RASSF3: variants seen among roughly 807,000 people sequenced by gnomAD.
The protein encoded by RASSF3 is ras association domain-containing protein 3.
A neutral mutation model predicts 19.9 loss-of-function variants in RASSF3; 19 were observed. The observed-to-expected ratio is 0.96, with a 90% CI of 0.67 to 1.40. The LOEUF is 1.40. RASSF3 is among the 40% of genes most tolerant of loss of function. The pLI is 0.00. For synonymous variants in RASSF3, 110 were observed against 104.2 expected, an observed-to-expected ratio of 1.06 and a Z score of -0.34; for missense variants, 306 against 289.8, an observed-to-expected ratio of 1.06 and a Z score of -0.41.
At chr12:64,516,431 AGAACGGTG>A (rs540911217) in intron 1 of RASSF3, among the ~76,000 whole-genome samples, 2 of 150,476 alleles carry the variant, frequency 1.3e-5, no homozygotes, top group South Asian at 4.2e-4. Flanking sequence ...CATCCCGACT[AGAACGGTG>A]AAACCCCGTC....
At chr12:64,589,993 C>G (rs1471199924) in intron 2 of RASSF3, among the ~76,000 whole-genome samples, 1 of 139,724 alleles carries the variant, frequency 7.2e-6, no homozygotes, top group East Asian at 2.1e-4. Context: ...CAGAGCAAGA[C>G]TCGGTCTCAG....
intron 1 of RASSF3, among the ~76,000 whole-genome samples, chr12:64,525,102 C>T (rs142143785): frequency 6.6e-6 from 1 of 152,112 alleles, no homozygotes; most frequent in East Asian, 1.9e-4. Context: ...ATGGTGAAAC[C>T]CCATCTCTAC....
chr12:64,525,570 C>T (rs912397739), intron 1 of RASSF3, among the ~76,000 whole-genome samples: 1 of 152,164 alleles, frequency 6.6e-6, no homozygotes, highest in African/African-American at 2.4e-5. Flanking sequence ...ACGCATTCTC[C>T]CACTTCATTT....
chr12:64,668,271 C>CT (rs369487530), intron 1 of RASSF3, among the ~76,000 whole-genome samples: 1,766 of 147,126 alleles, frequency 0.012, 44 homozygotes, highest in African/African-American at 0.04. Context: ...TCTTCTTCTT[C>CT]TTTTTTTTTT....
At chr12:64,624,959 G>A (rs1196942514) in intron 1 of RASSF3, among the ~76,000 whole-genome samples, 2 of 151,934 alleles carry the variant, frequency 1.3e-5, no homozygotes, top group African/African-American at 2.4e-5. Context: ...GAGCCACCGC[G>A]CCTGGCCAGC....
intron 2 of RASSF3, among the ~76,000 whole-genome samples, chr12:64,568,191 C>T (rs1276884149): frequency 2.0e-5 from 3 of 152,132 alleles, no homozygotes; most frequent in Admixed American, 6.5e-5. Context: ...GCCACCATAC[C>T]CAGCTAATTT....
chr12:64,559,800 C>T (rs73317532), intron 2 of RASSF3, among the ~76,000 whole-genome samples: 2,168 of 152,336 alleles, frequency 0.014, 53 homozygotes, highest in African/African-American at 0.049. Context: ...TTTCTAGTCT[C>T]CTTGAACAAG....
intron 2 of RASSF3, among the ~76,000 whole-genome samples, chr12:64,595,066 T>C (rs1462310808): frequency 7.9e-5 from 10 of 127,122 alleles, no homozygotes; most frequent in Non-Finnish European, 1.5e-4. Flanking sequence ...TATGAAATCT[T>C]TTTTTTTTTT....
intron 1 of RASSF3, among the ~76,000 whole-genome samples, chr12:64,538,870 C>G (rs903880016): frequency 1.3e-5 from 2 of 151,952 alleles, no homozygotes; most frequent in Non-Finnish European, 2.9e-5. Flanking sequence ...CGGTGAAACT[C>G]CATCTCTACT....
At chr12:64,604,786 C>T (rs1400127271) in intron 2 of RASSF3, among the ~76,000 whole-genome samples, 1 of 151,192 alleles carries the variant, frequency 6.6e-6, no homozygotes, top group African/African-American at 2.4e-5. Context: ...TACAGGCGCC[C>T]GCCACCGTGC....
At chr12:64,568,326 C>G (rs1310419617) in intron 2 of RASSF3, among the ~76,000 whole-genome samples, 6 of 152,196 alleles carry the variant, frequency 3.9e-5, no homozygotes, top group Non-Finnish European at 8.8e-5. Flanking sequence ...AGCCATCATG[C>G]CTGGCCGCTT....
chr12:64,656,568 A>C (rs1041869973), intron 1 of RASSF3, among the ~76,000 whole-genome samples: 2 of 152,172 alleles, frequency 1.3e-5, no homozygotes, highest in African/African-American at 4.8e-5. Flanking sequence ...AAGATAAAGA[A>C]CATCAAACAC....
At chr12:64,658,148 G>A (rs1299750662) in intron 1 of RASSF3, among the ~76,000 whole-genome samples, 1 of 152,178 alleles carries the variant, frequency 6.6e-6, no homozygotes, top group Non-Finnish European at 1.5e-5. Flanking sequence ...CCCGTCAGAT[G>A]TCTGGAAACC....
At position 64,696,085 on chromosome 12, in the gene RASSF3, T is replaced by TCCCTCCCTC. The variant is rs1868353214; in HGVS notation, c.*1175_*1176insCTCCCTCCC. 1.3e-4 allele frequency: 4 copies of TCCCTCCCTC among 31,736 alleles called. No homozygotes were observed. The highest frequency in any genetic ancestry group is 2.2e-4 in the Non-Finnish European group (3 of 13,638). 2.0% of individuals were successfully genotyped at this position (31,736 alleles called of 1,614,324 possible). A position where few individuals can be genotyped will look rare whatever the true frequency, so the allele number is the denominator to read the frequency against. On this transcript the variant is annotated 3_prime_UTR_variant, in exon 5 of 5. Transcript: ENST00000542104. ...TGTCTCCCACCCTACCTTGTTCTTTTCCTCCCTCCCTCCCTCCCTCCCTCC... is the reference window on the plus strand; with the variant it reads ...TGTCTCCCACCCTACCTTGTTCTTTTCCCTCCCTCCCTCCCTCCCTCCCTCCCTCCCTCC...
chr12:64,688,991 A>G (rs1873470242), intron 3 of RASSF3, among the ~76,000 whole-genome samples: 1 of 152,146 alleles, frequency 6.6e-6, no homozygotes, highest in African/African-American at 2.4e-5. Flanking sequence ...TTACGCCGGG[A>G]CATTTTGGTA....
At chr12:64,665,962 G>A (rs555054509) in intron 1 of RASSF3, among the ~76,000 whole-genome samples, 9 of 152,222 alleles carry the variant, frequency 5.9e-5, no homozygotes, top group Non-Finnish European at 1.2e-4. Flanking sequence ...TGTGTTCTCA[G>A]TTACTCTGAA....
intron 2 of RASSF3, among the ~76,000 whole-genome samples, chr12:64,570,812 G>C (rs1348243448): frequency 2.6e-5 from 4 of 152,160 alleles, no homozygotes; most frequent in African/African-American, 7.2e-5. Context: ...TGAGGGTTCT[G>C]TCATCTCAGC....
At chr12:64,519,108 T>C (rs1042781474) in intron 1 of RASSF3, among the ~76,000 whole-genome samples, 1 of 152,104 alleles carries the variant, frequency 6.6e-6, no homozygotes, top group African/African-American at 2.4e-5. Flanking sequence ...GTCAAACATA[T>C]ATTAGCTCTG....
chr12:64,685,007 G>T (rs1331761884), intron 2 of RASSF3, 113 bp downstream of exon 2: 1 of 673,050 alleles, frequency 1.5e-6, no homozygotes, highest in Non-Finnish European at 2.6e-6. Context: ...AAGTGTAGTA[G>T]TCAAGGTATA....
Sources: gnomAD v4.1 joint callset for allele counts (sites outside exome capture counted in the v4.1 genomes callset) on GRCh38, gnomAD v4.1.1 for gene constraint, MANE v1.5 for transcripts, NCBI Gene and HGNC (gene_info 2026-07-23, HGNC 2026-07-21) for gene names.